TUT7: variants seen among roughly 807,000 people sequenced by gnomAD.
TUT7 encodes the protein terminal uridylyl transferase 7.
A neutral mutation model predicts 165.9 loss-of-function variants in TUT7; 33 were observed. That is an observed-to-expected ratio of 0.20 (90% CI 0.15 to 0.27). The LOEUF is 0.27. Among genes scored for constraint, TUT7 ranks in the 10% least tolerant of loss-of-function variants. TUT7 has a pLI of 1.00. For synonymous variants in TUT7, 552 were observed against 608.1 expected (o/e 0.91, Z 1.36); for missense variants, 1,338 against 1,762.3 (o/e 0.76, Z 4.31).
intron 12 of TUT7, among the ~76,000 whole-genome samples, chr9:86,325,071 T>A (rs1429548305): frequency 6.6e-6 from 1 of 152,230 alleles, no homozygotes; most frequent in Non-Finnish European, 1.5e-5. Context: ...GGCATTTAAG[T>A]GGTTAAGCAA....
At chr9:86,332,670 C>A (rs576424434) in intron 10 of TUT7, among the ~76,000 whole-genome samples, 4 of 152,184 alleles carry the variant, frequency 2.6e-5, no homozygotes, top group African/African-American at 9.6e-5. Flanking sequence ...ATATAATAAG[C>A]CTGCACATGT....
intron 26 of TUT7, among the ~76,000 whole-genome samples, chr9:86,294,501 C>A (rs1418279755): frequency 6.6e-6 from 1 of 151,750 alleles, no homozygotes; most frequent in Non-Finnish European, 1.5e-5. Flanking sequence ...TGTAATATAT[C>A]TTCTATTCCC....
intron 19 of TUT7, 150 bp downstream of exon 19, chr9:86,309,778 A>G (rs1455594750): frequency 3.3e-6 from 3 of 912,578 alleles, no homozygotes; most frequent in Admixed American, 5.6e-5. Context: ...AATTCAGAAC[A>G]AAATTTTAGC....
At chr9:86,303,634 A>C (rs1827161792) in intron 24 of TUT7, among the ~76,000 whole-genome samples, 1 of 152,238 alleles carries the variant, frequency 6.6e-6, no homozygotes, top group Non-Finnish European at 1.5e-5. Flanking sequence ...ATGTGTTTCT[A>C]CTTTGCTTAG....
rs1478225661 is a variant in TUT7 at position 86,322,346 on chromosome 9, G to C, written c.3007C>G (p.Gln1003Glu). The C allele has an allele frequency of 6.2e-7, 1 of 1,613,858 alleles. No homozygotes were observed. The highest frequency in any genetic ancestry group is 1.1e-5 in the South Asian group (1 of 91,078). ...LTPKFLNILDQVCIQCYKDFS... is the reference protein window; with the variant it reads ...LTPKFLNILDEVCIQCYKDFS... ...TTACTATAACACTGGATACAGACTTGATCTAAGATATTTAAAAACTTGGGT... is the reference window on the plus strand; with the variant it reads ...TTACTATAACACTGGATACAGACTTCATCTAAGATATTTAAAAACTTGGGT... The change falls in exon 14 of 27, where the codon CAA becomes GAA. Residue 1003 changes from glutamine (Q) to glutamate (E), a missense_variant. Gln to Glu is a conservative substitution (Grantham distance 29, BLOSUM62 2). Coordinates refer to ENST00000375963, the MANE Select transcript of TUT7 (RefSeq NM_024617.4).
intron 26 of TUT7, among the ~76,000 whole-genome samples, chr9:86,292,108 T>C (rs1156232787): frequency 1.3e-5 from 2 of 152,202 alleles, no homozygotes; most frequent in Non-Finnish European, 2.9e-5. Context: ...ACAGGCACTA[T>C]CATTGCATAC....
At chr9:86,324,569 C>T (rs1829619676) in intron 12 of TUT7, 1 of 151,996 alleles carries the variant, frequency 6.6e-6, no homozygotes, top group Admixed American at 6.6e-5. Flanking sequence ...TGACTGCACA[C>T]AGAATTTATG....
Position 86,309,229 on chromosome 9 carries a change from C to G in TUT7, c.3643G>C (p.Asp1215His). The change falls in exon 21 of 27, where the codon GAT (aspartate) becomes CAT (histidine). Residue 1215 changes from aspartate to histidine, a missense_variant. Around this residue, in one of 7 missense-constraint regions of TUT7, gnomAD observed 157 missense variants for 357.5 expected, o/e 0.44. Transcript: ENST00000375963. ...ATACGTACCAGTTCATCTATTTGAT[C>G]AAAAAAATAAATATTCCAGCCATCA... The part of the protein sequence containing the change: ...FVDGWNIYFF[D>H]QIDELPTYWS... 1 of 1,570,378 alleles carries G rather than the reference C, an allele frequency of 6.4e-7. No individual in the cohort carries two copies. The highest frequency in any genetic ancestry group is 8.7e-7 in the Non-Finnish European group (1 of 1,146,064).
chr9:86,307,860 G>C (rs781760110), intron 22 of TUT7, among the ~76,000 whole-genome samples: 4 of 152,118 alleles, frequency 2.6e-5, no homozygotes, highest in Non-Finnish European at 5.9e-5. Flanking sequence ...CAGTTGTGGT[G>C]GTGGGTCCCT....
At chr9:86,330,011 C>CTATA (rs1830167788) in intron 10 of TUT7, among the ~76,000 whole-genome samples, 1 of 152,082 alleles carries the variant, frequency 6.6e-6, no homozygotes, top group Non-Finnish European at 1.5e-5. Flanking sequence ...GTCTCTTGCC[C>CTATA]CAATTGGATG....
chr9:86,343,490 T>C lies in TUT7; in HGVS notation c.998-327A>G, dbSNP rs558908931. Among the ~76,000 whole-genome samples the C allele has an allele frequency of 2.1e-4, 32 of 152,328 alleles. 1 individual carries two copies. Among genetic ancestry groups the C allele is most frequent in the African/African-American group, 6.7e-4 (28 of 41,594 alleles). On this transcript the variant is annotated intron_variant, in intron 5 of 26. Transcript: ENST00000375963. Reference sequence around the variant, plus strand: ...CACATTTTATGAAGAAAATACTATTTAAAATATTTTTTTAAATGTGCCAGT... The same window carrying C: ...CACATTTTATGAAGAAAATACTATTCAAAATATTTTTTTAAATGTGCCAGT...
At chr9:86,299,066 T>A (rs1265249853) in intron 26 of TUT7, among the ~76,000 whole-genome samples, 1 of 151,980 alleles carries the variant, frequency 6.6e-6, no homozygotes, top group African/African-American at 2.4e-5. Context: ...GTGCTGCAGG[T>A]CAGCCAGAGG....
intron 5 of TUT7, among the ~76,000 whole-genome samples, chr9:86,344,167 C>T (rs1302040247): frequency 1.3e-5 from 2 of 152,048 alleles, no homozygotes; most frequent in Admixed American, 6.6e-5. Flanking sequence ...TGATTCCAAC[C>T]CTAGCTGTGG....
At chr9:86,292,191 G>A (rs1022963076) in intron 26 of TUT7, among the ~76,000 whole-genome samples, 2 of 152,080 alleles carry the variant, frequency 1.3e-5, no homozygotes, top group South Asian at 2.1e-4. Context: ...CTGCATGCCC[G>A]TGCCACCATC....
intron 2 of TUT7, among the ~76,000 whole-genome samples, chr9:86,350,201 C>T (rs994253458): frequency 7.2e-5 from 11 of 152,040 alleles, no homozygotes; most frequent in African/African-American, 2.2e-4. Context: ...TGTGGTGGCA[C>T]GTGCCTGTAG....
intron 2 of TUT7, among the ~76,000 whole-genome samples, chr9:86,349,363 G>A (rs1832070659): frequency 6.6e-6 from 1 of 151,936 alleles, no homozygotes; most frequent in Non-Finnish European, 1.5e-5. Context: ...TGTAATAAGA[G>A]TTCTCTATAT....
In TUT7 at chr9:86,287,869, C is replaced by T. The variant is rs531155849; in HGVS notation, c.*808G>A. ...GCTCCAGTCAGACCCAGAATGACAC[C>T]AGCCACACTTGTGACTGGCAGAGAT... On this transcript the variant is annotated 3_prime_UTR_variant, in exon 27 of 27. Coordinates refer to ENST00000375963, the MANE Select transcript of TUT7 (RefSeq NM_024617.4). The T allele has an allele frequency of 6.6e-6, 1 of 152,224 alleles. No homozygotes were observed. The highest frequency in any genetic ancestry group is 1.9e-4 in the East Asian group (1 of 5,176). 9.4% of individuals were successfully genotyped at this position (152,224 alleles called of 1,614,324 possible).
In TUT7 at chr9:86,336,393, C is replaced by T. The variant is rs976366075; in HGVS notation, c.1455+1026G>A. ...CTCTGAATTCTCTCAGTACCACAGG[C>T]ACGAAGAGAACTACCTTTAGGTTAC... On this transcript the variant is annotated intron_variant, in intron 10 of 26. Coordinates refer to ENST00000375963, the MANE Select transcript of TUT7 (RefSeq NM_024617.4). 7.9e-5 allele frequency among the ~76,000 whole-genome samples: 12 copies of T among 152,132 alleles called. No homozygotes were observed. The East Asian group carries it at 1.2e-3, about 15-fold the overall frequency.
At chr9:86,348,714 T>G (rs1166304928) in intron 2 of TUT7, among the ~76,000 whole-genome samples, 1 of 152,054 alleles carries the variant, frequency 6.6e-6, no homozygotes, top group South Asian at 2.1e-4. Flanking sequence ...ATTGCGCCAT[T>G]GCACTCCAGC....
Sources: allele counts gnomAD v4.1 joint callset (sites outside exome capture counted in the v4.1 genomes callset), GRCh38; gene constraint gnomAD v4.1.1; regional missense constraint gnomAD v4.1.1; transcripts MANE v1.5; gene names NCBI Gene and HGNC (gene_info 2026-07-23, HGNC 2026-07-21).